The following CORIN variants were observed in gnomAD, a reference collection of about 807,000 sequenced individuals.
The protein encoded by CORIN is atrial natriuretic peptide-converting enzyme.
CORIN carries 117 observed loss-of-function variants against 125.3 expected under a neutral mutation model. The observed-to-expected ratio is 0.93, with a 90% CI of 0.80 to 1.09. CORIN has a LOEUF of 1.09. Ranked by LOEUF, CORIN falls within the 50% of genes least tolerant of loss-of-function variation. The pLI, the probability that CORIN is intolerant of heterozygous loss-of-function variation, is 0.00. For missense variants in CORIN, 1,253 were observed against 1,306.7 expected (o/e 0.96, Z 0.63); for synonymous variants, 450 against 466.4 (o/e 0.96, Z 0.45).
intron 5 of CORIN, among the ~76,000 whole-genome samples, chr4:47,711,547 T>G (rs113601499): frequency 6.6e-6 from 1 of 152,216 alleles, no homozygotes; most frequent in Non-Finnish European, 1.5e-5. Flanking sequence ...AGTCTAGGGA[T>G]TGGTGAAGCA....
rs1724917831 is a variant in CORIN, at chr4:47,674,424, G to A, written c.1326C>T (p.Leu442=). 1.9e-6 allele frequency: 3 copies of A among 1,613,702 alleles called. No individual in the cohort carries two copies. The highest frequency in any genetic ancestry group is 4.5e-5 in the East Asian group (2 of 44,878). The stretch of plus-strand genomic sequence containing the variant: ...TATTCAGACTGTTGTTCGGGTCACA[G>A]AGAGAGCTACCACCACATGAATCAA... ...PCLDSCGGSS[L]CDPNNSLNNC... Residue 442 remains leucine (L), a synonymous_variant, in exon 10 of 22, where the codon CTC becomes CTT. Transcript: ENST00000273857.
chr4:47,751,662 C>T (rs1728909212), intron 4 of CORIN, among the ~76,000 whole-genome samples: 9 of 152,128 alleles, frequency 5.9e-5, no homozygotes, highest in Admixed American at 5.9e-4. Context: ...AAATGAATTC[C>T]TCCCCTTTCT....
chr4:47,764,739 T>C (rs1043604207), intron 3 of CORIN, among the ~76,000 whole-genome samples: 6 of 152,222 alleles, frequency 3.9e-5, no homozygotes, highest in African/African-American at 1.4e-4. Context: ...GTTCTTGAGA[T>C]AATTCTTAAT....
At chr4:47,727,549 A>G (rs917818818) in intron 5 of CORIN, among the ~76,000 whole-genome samples, 1 of 152,122 alleles carries the variant, frequency 6.6e-6, no homozygotes, top group Non-Finnish European at 1.5e-5. Flanking sequence ...TAAAGTAATA[A>G]TTTCCATTTT....
At chr4:47,768,194 C>T (rs191066786) in intron 3 of CORIN, among the ~76,000 whole-genome samples, 29 of 152,238 alleles carry the variant, frequency 1.9e-4, no homozygotes, top group Non-Finnish European at 4.4e-5. Flanking sequence ...TCTTATAAAA[C>T]GGCCCCACCC....
intron 1 of CORIN, among the ~76,000 whole-genome samples, chr4:47,825,847 G>T (rs1732724422): frequency 6.6e-6 from 1 of 151,902 alleles, no homozygotes; most frequent in Non-Finnish European, 1.5e-5. Context: ...TAGATTACAG[G>T]TGCCCACCAC....
chr4:47,607,960 A>AG (rs1455274451), intron 19 of CORIN, among the ~76,000 whole-genome samples: 1 of 151,540 alleles, frequency 6.6e-6, no homozygotes, highest in African/African-American at 2.4e-5. Flanking sequence ...AAAAAGAAAA[A>AG]AAAAAAAAGT....
intron 5 of CORIN, among the ~76,000 whole-genome samples, chr4:47,717,591 A>G (rs200197543): frequency 1.3e-5 from 2 of 152,192 alleles, no homozygotes; most frequent in African/African-American, 2.4e-5. Context: ...TAAATATCCA[A>G]CTGCTTTTGT....
rs1422298384 is a variant in CORIN at position 47,623,094 on chromosome 4, C to CTATATA, written c.2540+476_2540+477insTATATA. On this transcript the variant is annotated intron_variant, in intron 19 of 21. Coordinates refer to ENST00000273857, the MANE Select transcript of CORIN (RefSeq NM_006587.4). ...CCTCTCTCTCTCTCTCTCTCTCTCT[C>CTATATA]TCTATATATATATATATATATATAC... is the stretch of plus-strand genomic sequence containing the variant. Among the ~76,000 whole-genome samples, 92 of 101,442 alleles carry CTATATA rather than the reference C, an allele frequency of 9.1e-4. 1 individual carries two copies. The highest frequency in any genetic ancestry group is 5.3e-3 in the Middle Eastern group (1 of 188). The allele number at this position is 101,442 out of a possible 152,430, so 66.5% of individuals were successfully genotyped here. A position where few individuals can be genotyped will look rare whatever the true frequency, so the allele number is the denominator to read the frequency against.
intron 12 of CORIN, among the ~76,000 whole-genome samples, chr4:47,656,269 C>T (rs1315423063): frequency 1.3e-5 from 2 of 151,346 alleles, no homozygotes; most frequent in Non-Finnish European, 1.5e-5. Flanking sequence ...GATTCTCATG[C>T]CTCAGCCTTC....
intron 1 of CORIN, among the ~76,000 whole-genome samples, chr4:47,827,021 T>G (rs1732769062): frequency 1.3e-5 from 2 of 152,358 alleles, no homozygotes; most frequent in East Asian, 3.9e-4. Context: ...GCTATCTTAT[T>G]AAGATTAAAT....
chr4:47,824,116 C>CA (rs1346544891), intron 1 of CORIN, among the ~76,000 whole-genome samples: 1 of 139,282 alleles, frequency 7.2e-6, no homozygotes. Flanking sequence ...AATGCTATTC[C>CA]TTTTTTTTTT....
chr4:47,826,197 T>A (rs1429727694), intron 1 of CORIN, among the ~76,000 whole-genome samples: 3 of 152,182 alleles, frequency 2.0e-5, no homozygotes, highest in Non-Finnish European at 4.4e-5. Flanking sequence ...TGACTGCAAA[T>A]GCCTACCCCA....
At chr4:47,599,815 G>T (rs183817393) in intron 21 of CORIN, among the ~76,000 whole-genome samples, 1 of 152,252 alleles carries the variant, frequency 6.6e-6, no homozygotes, top group African/African-American at 2.4e-5. Flanking sequence ...CACCCTAATG[G>T]CTGACAATGT....
intron 13 of CORIN, among the ~76,000 whole-genome samples, chr4:47,650,987 G>C (rs1162913883): frequency 5.9e-5 from 9 of 152,178 alleles, no homozygotes; most frequent in African/African-American, 2.2e-4. Flanking sequence ...TCTACCACAA[G>C]AGCTGGAGAC....
At chr4:47,768,414 C>A (rs1405915577) in intron 3 of CORIN, among the ~76,000 whole-genome samples, 1 of 152,178 alleles carries the variant, frequency 6.6e-6, no homozygotes. Flanking sequence ...GAACTAATAT[C>A]AATTCCTCTC....
intron 5 of CORIN, among the ~76,000 whole-genome samples, chr4:47,717,286 C>G (rs1727135408): frequency 6.6e-6 from 1 of 152,126 alleles, no homozygotes; most frequent in African/African-American, 2.4e-5. Context: ...AAATTGTTTT[C>G]TCTCACCCAC....
chr4:47,816,601 T>A (rs1732279013), intron 1 of CORIN, among the ~76,000 whole-genome samples: 1 of 152,118 alleles, frequency 6.6e-6, no homozygotes, highest in African/African-American at 2.4e-5. Flanking sequence ...CAACAACAAA[T>A]CAACCATAGG....
chr4:47,686,525 G>A (rs995611821), intron 6 of CORIN, among the ~76,000 whole-genome samples: 2 of 152,188 alleles, frequency 1.3e-5, no homozygotes, highest in African/African-American at 4.8e-5. Context: ...TACAACACAT[G>A]TGACAGCTGA....
Sources: allele counts gnomAD v4.1 joint callset (sites outside exome capture counted in the v4.1 genomes callset), GRCh38; gene constraint gnomAD v4.1.1; transcripts MANE v1.5; gene names NCBI Gene and HGNC (gene_info 2026-07-23, HGNC 2026-07-21).